The following STUM variants were observed in gnomAD, a reference collection of about 807,000 sequenced individuals.
STUM encodes protein stum homolog.
In STUM, 8 loss-of-function variants were observed where a neutral mutation model predicts 15.3. The ratio of observed to expected loss-of-function variants is 0.52; its 90% CI spans 0.31 to 0.94. The LOEUF is 0.94. Ranked by LOEUF, STUM falls within the 40% of genes least tolerant of loss-of-function variation. STUM has a pLI of 0.05. For missense variants in STUM, 142 were observed against 204.9 expected (o/e 0.69, Z 1.87); for synonymous variants, 78 against 88.7 (o/e 0.88, Z 0.68).
chr1:226,596,732 C>A, intron 1 of STUM, 70 bp from the exon 2 acceptor site: 1 of 1,415,336 alleles, frequency 7.1e-7, no homozygotes, highest in Non-Finnish European at 9.8e-7. Context: ...GGCCCCAGGC[C>A]AGCAATGAGC....
In STUM at chr1:226,565,059, G is replaced by A. The variant is rs1667600548; in HGVS notation, c.202+15953G>A. ...TCCCCTTGCCCTCGAGCTTCCAGGTGTCTTAGCCAATGGGAGGCACTGGTA... is the reference window on the plus strand; with the variant it reads ...TCCCCTTGCCCTCGAGCTTCCAGGTATCTTAGCCAATGGGAGGCACTGGTA... On this transcript the variant is annotated intron_variant, in intron 1 of 3. Coordinates refer to ENST00000366788, the MANE Select transcript of STUM (RefSeq NM_001003665.4). This position sits in a 1 kb window ranked among gnomAD's most constrained non-coding sequence, Gnocchi z 4.4. Among the ~76,000 whole-genome samples, 1 of 152,204 alleles carries A rather than the reference G, an allele frequency of 6.6e-6. No homozygotes were observed. The highest frequency in any genetic ancestry group is 1.5e-5 in the Non-Finnish European group (1 of 68,044).
At chr1:226,601,002 A>G (rs1173656342) in intron 3 of STUM, among the ~76,000 whole-genome samples, 3 of 152,244 alleles carry the variant, frequency 2.0e-5, no homozygotes, top group Non-Finnish European at 4.4e-5. Flanking sequence ...AAATGAAGAG[A>G]AAAAAGCAGC....
chr1:226,569,858 G>A (rs1009657921), intron 1 of STUM, among the ~76,000 whole-genome samples: 1 of 152,222 alleles, frequency 6.6e-6, no homozygotes, highest in South Asian at 2.1e-4. Flanking sequence ...GAGGGGTAGA[G>A]CCTGGCAGGG....
At chr1:226,597,108 GC>G in intron 2 of STUM, 127 bp downstream of exon 2, 1 of 914,728 alleles carries the variant, frequency 1.1e-6, no homozygotes, top group Non-Finnish European at 1.8e-6. Context: ...GAGAGGGCTT[GC>G]CCGTGTCCTC....
chr1:226,563,286 G>A (rs1667571235), intron 1 of STUM, among the ~76,000 whole-genome samples: 2 of 152,222 alleles, frequency 1.3e-5, no homozygotes, highest in South Asian at 4.1e-4. Flanking sequence ...AGGTCTACCA[G>A]CCATAAGTAA....
Position 226,549,206 on chromosome 1 carries a change from C to T in STUM, c.202+100C>T, listed in dbSNP as rs1667328667. On this transcript the variant is annotated intron_variant, in intron 1 of 3. Coordinates refer to ENST00000366788, the MANE Select transcript of STUM (RefSeq NM_001003665.4). The surrounding 1 kb of genome is among the most constrained non-coding windows in gnomAD (Gnocchi z 6.8). ...CCGGAGACCTCCTGGCGGGGCCGCG[C>T]GCTCCAAGTGCTGCGACCACGCGCC... 4 of 1,072,574 alleles carry T rather than the reference C, an allele frequency of 3.7e-6. No homozygotes were observed. The highest frequency in any genetic ancestry group is 5.3e-6 in the Non-Finnish European group (4 of 755,650). 66.4% of individuals were successfully genotyped at this position (1,072,574 alleles called of 1,614,324 possible).
At chr1:226,585,243 C>G (rs543511916) in intron 1 of STUM, among the ~76,000 whole-genome samples, 24 of 152,158 alleles carry the variant, frequency 1.6e-4, no homozygotes, top group Non-Finnish European at 2.9e-4. Context: ...TCATTGAGAT[C>G]TTCAATTTTA....
At chr1:226,575,806 T>G (rs749376115) in intron 1 of STUM, among the ~76,000 whole-genome samples, 1 of 152,190 alleles carries the variant, frequency 6.6e-6, no homozygotes, top group Middle Eastern at 3.2e-3. Flanking sequence ...TGCACGCCAA[T>G]AGATAGTCAG....
chr1:226,587,439 C>A (rs1668014358), intron 1 of STUM, among the ~76,000 whole-genome samples: 1 of 152,152 alleles, frequency 6.6e-6, no homozygotes, highest in South Asian at 2.1e-4. Context: ...AGCTGCAGCC[C>A]ACCTGATGCC....
At chr1:226,597,318 A>G (rs1450507703) in intron 2 of STUM, 2 of 511,526 alleles carry the variant, frequency 3.9e-6, no homozygotes, top group African/African-American at 3.9e-5. Flanking sequence ...CCTTTCTAAA[A>G]TAACCTAGCA....
At chr1:226,576,475 G>T (rs1256533224) in intron 1 of STUM, among the ~76,000 whole-genome samples, 2 of 152,224 alleles carry the variant, frequency 1.3e-5, no homozygotes, top group Non-Finnish European at 2.9e-5. Context: ...TGTGTGGAGT[G>T]TATGTGTCCC....
Position 226,596,803 on chromosome 1 carries a change from G to A in STUM, c.204G>A (p.Gly68=), listed in dbSNP as rs1278461611. 2.5e-6 allele frequency: 4 copies of A among 1,609,410 alleles called. No homozygotes were observed. Among genetic ancestry groups the A allele is most frequent in the Non-Finnish European group, 2.6e-6 (3 of 1,176,292 alleles). Residue 68 remains glycine, a splice_region_variant and synonymous_variant, in exon 2 of 4, where the codon GGG becomes GGA. Coordinates refer to ENST00000366788, the MANE Select transcript of STUM (RefSeq NM_001003665.4). The stretch of plus-strand genomic sequence containing the variant: ...GCTGTCCCCTCTGGCCTCTCACAGG[G>A]ACATTCGTCTCGGCCTTCACTGTGC... ...LFLNTFVPGL[G]TFVSAFTVLC...
In STUM at chr1:226,549,648, C is replaced by G. The variant is rs1667338153; in HGVS notation, c.202+542C>G. Among the ~76,000 whole-genome samples the G allele has an allele frequency of 6.6e-6, 1 of 152,226 alleles. No homozygotes were observed. Among genetic ancestry groups the G allele is most frequent in the South Asian group, 2.1e-4 (1 of 4,830 alleles). On this transcript the variant is annotated intron_variant, in intron 1 of 3. Coordinates refer to ENST00000366788, the MANE Select transcript of STUM (RefSeq NM_001003665.4). This position sits in a 1 kb window ranked among gnomAD's most constrained non-coding sequence, Gnocchi z 6.8. ...TGCGGACCGCGTGGGGACGAGAACT[C>G]TAGCCAGAGTCTCCTCCGCCTCATT...
In STUM at chr1:226,552,639, G is replaced by C. The variant is rs1284772781; in HGVS notation, c.202+3533G>C. Among the ~76,000 whole-genome samples the C allele has an allele frequency of 1.3e-5, 2 of 152,190 alleles. No homozygotes were observed. Among genetic ancestry groups the C allele is most frequent in the Non-Finnish European group, 2.9e-5 (2 of 68,040 alleles). On this transcript the variant is annotated intron_variant, in intron 1 of 3. Coordinates refer to ENST00000366788, the MANE Select transcript of STUM (RefSeq NM_001003665.4). This position sits in a 1 kb window ranked among gnomAD's most constrained non-coding sequence, Gnocchi z 4.7. ...ACCTTTAACCACTCCATTGGACTCAGGACATCAGATAGGGACAATTTATCC... is the reference window on the plus strand; with the variant it reads ...ACCTTTAACCACTCCATTGGACTCACGACATCAGATAGGGACAATTTATCC...
rs895308285 is a variant in STUM at position 226,602,478 on chromosome 1, C to T, written c.*438C>T. ...ACCCGTCCTGTGGGACCCCACCTGC[C>T]TCAAAATCTGGTGCCCCGAGTGTTT... On this transcript the variant is annotated 3_prime_UTR_variant, in exon 4 of 4. Transcript: ENST00000366788. 6.5e-5 allele frequency: 11 copies of T among 170,506 alleles called. No homozygotes were observed. Among genetic ancestry groups the T allele is most frequent in the Admixed American group, 3.9e-4 (7 of 17,756 alleles). The allele number at this position is 170,506 out of a possible 1,614,324, so 10.6% of individuals were successfully genotyped here.
rs528008460 is a variant in STUM, at chr1:226,579,708, A to T, written c.203-17094A>T. On this transcript the variant is annotated intron_variant, in intron 1 of 3. Coordinates refer to ENST00000366788, the MANE Select transcript of STUM (RefSeq NM_001003665.4). Reference sequence around the variant, plus strand: ...CAGTGGTGCAATCATAGTTCACTGCAGCCTTGAACTCCTGGGCTCAATCCA... The same window carrying T: ...CAGTGGTGCAATCATAGTTCACTGCTGCCTTGAACTCCTGGGCTCAATCCA... Among the ~76,000 whole-genome samples the T allele has an allele frequency of 3.4e-5, 5 of 149,160 alleles. No individual in the cohort carries two copies. The South Asian group carries it at 1.1e-3, about 32-fold the overall frequency.
In STUM at chr1:226,602,235, T is replaced by C. The variant is rs566180265; in HGVS notation, c.*195T>C. The C allele has an allele frequency of 3.1e-5, 18 of 584,008 alleles. No individual in the cohort carries two copies. The South Asian group carries it at 3.3e-4, about 11-fold the overall frequency. The allele number at this position is 584,008 out of a possible 1,614,324, so 36.2% of individuals were successfully genotyped here. On this transcript the variant is annotated 3_prime_UTR_variant, in exon 4 of 4. Transcript: ENST00000366788. ...GCAGGTTGTGAGGGCTGCCAGCCCC[T>C]CCTGCTCTGGAAAGCACTGTGGGCG...
intron 1 of STUM, among the ~76,000 whole-genome samples, chr1:226,550,842 G>C (rs945903847): frequency 5.9e-5 from 9 of 152,264 alleles, no homozygotes; most frequent in South Asian, 2.1e-4. Context: ...CGGCTGCAGG[G>C]CACCGTCCAT....
intron 1 of STUM, among the ~76,000 whole-genome samples, chr1:226,578,270 C>T (rs1252141206): frequency 6.6e-6 from 1 of 151,262 alleles, no homozygotes; most frequent in African/African-American, 2.4e-5. Context: ...GAGATAAGGT[C>T]TCACTATGTT....
Sources: gnomAD v4.1 joint callset for allele counts (sites outside exome capture counted in the v4.1 genomes callset) on GRCh38, gnomAD v4.1.1 for gene constraint, Gnocchi (gnomAD v3.1) non-coding constraint, MANE v1.5 for transcripts, NCBI Gene and HGNC (gene_info 2026-07-23, HGNC 2026-07-21) for gene names.